The following SFT2D2 variants were observed in gnomAD, a reference collection of about 807,000 sequenced individuals.
SFT2D2 encodes SFT2 domain containing 2.
A neutral mutation model predicts 27.4 loss-of-function variants in SFT2D2; 21 were observed. That is an observed-to-expected ratio of 0.77 (90% CI 0.54 to 1.10). SFT2D2 has a LOEUF of 1.10. Ranked by LOEUF, SFT2D2 falls within the 50% of genes least tolerant of loss-of-function variation. The pLI, the probability that SFT2D2 is intolerant of heterozygous loss-of-function variation, is 0.00. For missense variants in SFT2D2, 187 were observed against 194.2 expected (o/e 0.96, Z 0.22); for synonymous variants, 72 against 71.7 (o/e 1.00, Z -0.02).
intron 1 of SFT2D2, among the ~76,000 whole-genome samples, chr1:168,226,605 T>A (rs1199491872): frequency 1.7e-4 from 26 of 152,152 alleles, no homozygotes; most frequent in Admixed American, 1.7e-3. Context: ...CGCCCCGAGC[T>A]CTGCCTTGGT....
chr1:168,231,482 G>A (rs369732628), intron 1 of SFT2D2, 32 bp from the exon 2 acceptor site: 2 of 1,535,700 alleles, frequency 1.3e-6, no homozygotes, highest in African/African-American at 1.4e-5. Context: ...GTAAATGTGT[G>A]TGTATATGTA....
intron 1 of SFT2D2, among the ~76,000 whole-genome samples, chr1:168,228,537 T>TA (rs1700483315): frequency 6.6e-6 from 1 of 152,238 alleles, no homozygotes; most frequent in South Asian, 2.1e-4. Context: ...AAATACACCT[T>TA]AAGTCTTTAG....
At position 168,250,852 on chromosome 1, in the gene SFT2D2, T is replaced by A. The variant is rs147471218; in HGVS notation, c.*8312T>A. On this transcript the variant is annotated 3_prime_UTR_variant, in exon 8 of 8. Coordinates refer to ENST00000271375, the MANE Select transcript of SFT2D2 (RefSeq NM_199344.3). ...GGGAAGGGCAAAACATGGTCCCCAG[T>A]GTAGCATTTTCACTGGGTTGATTAT... The A allele has an allele frequency of 9.2e-5, 14 of 152,226 alleles. No individual in the cohort carries two copies. The highest frequency in any genetic ancestry group is 9.2e-4 in the Admixed American group (14 of 15,282). 9.4% of individuals were successfully genotyped at this position (152,226 alleles called of 1,614,324 possible).
At position 168,247,745 on chromosome 1, in the gene SFT2D2, G is replaced by A. The variant is rs1244409706; in HGVS notation, c.*5205G>A. The A allele has an allele frequency of 2.6e-5, 4 of 152,156 alleles. No homozygotes were observed. Among genetic ancestry groups the A allele is most frequent in the Admixed American group, 6.6e-5 (1 of 15,266 alleles). 9.4% of individuals were successfully genotyped at this position (152,156 alleles called of 1,614,324 possible). A position where few individuals can be genotyped will look rare whatever the true frequency, so the allele number is the denominator to read the frequency against. On this transcript the variant is annotated 3_prime_UTR_variant, in exon 8 of 8. Transcript: ENST00000271375. ...TCTAGTTCTAGATCCTTGAGGAATC[G>A]CCACACTGTCTTTCACAATGGTTGA...
At chr1:168,232,774 A>G (rs763818980) in intron 3 of SFT2D2, among the ~76,000 whole-genome samples, 30 of 152,228 alleles carry the variant, frequency 2.0e-4, no homozygotes, top group Non-Finnish European at 4.1e-4. Context: ...GGTCCCTGCC[A>G]GGCAGACAGA....
Position 168,236,775 on chromosome 1 carries a change from GTAA to G in SFT2D2, c.413+6_413+8del, listed in dbSNP as rs1270234222. 7.4e-6 allele frequency: 12 copies of G among 1,613,858 alleles called. No homozygotes were observed. The African/African-American group carries it at 1.6e-4, about 22-fold the overall frequency. On this transcript the variant is annotated splice_donor_region_variant and intron_variant, in intron 6 of 7. Transcript: ENST00000271375. ...GCAGTCTTTGGCATTGACGTGGTAA[GTAA>G]CCTTTTAAACAATCCCCTCCCACAT...
chr1:168,227,013 T>G (rs1026335032), intron 1 of SFT2D2, among the ~76,000 whole-genome samples: 6 of 151,750 alleles, frequency 4.0e-5, no homozygotes, highest in Admixed American at 1.3e-4. Flanking sequence ...AGAGACGAGG[T>G]TTCACCATCT....
Position 168,252,972 on chromosome 1 carries a change from A to G in SFT2D2, c.*10432A>G, listed in dbSNP as rs1647980892. 1 of 152,120 alleles carries G rather than the reference A, an allele frequency of 6.6e-6. No individual in the cohort carries two copies. The highest frequency in any genetic ancestry group is 1.5e-5 in the Non-Finnish European group (1 of 68,000). The allele number at this position is 152,120 out of a possible 1,614,324, so 9.4% of individuals were successfully genotyped here. On this transcript the variant is annotated 3_prime_UTR_variant, in exon 8 of 8. Transcript: ENST00000271375. ...TCTCTCCTCCCCCATCACAATTGTT[A>G]GTTTTTTTTGCTTTCTTTCTTCAAT...
At position 168,226,103 on chromosome 1, in the gene SFT2D2, G is replaced by C. The variant is rs1374117307; in HGVS notation, c.24G>C (p.Leu8=). Residue 8 remains leucine (L), a synonymous_variant, in exon 1 of 8, where the codon CTG becomes CTC. Transcript: ENST00000271375. MDKLKKV[L]SGQDTEDRSG... is the part of the protein sequence containing the mutation. ...CAATGGACAAGCTGAAGAAGGTGCTGAGCGGGCAGGACACGGAGGACCGGA... is the reference window on the plus strand; with the variant it reads ...CAATGGACAAGCTGAAGAAGGTGCTCAGCGGGCAGGACACGGAGGACCGGA... 4 of 1,535,230 alleles carry C rather than the reference G, an allele frequency of 2.6e-6. No homozygotes were observed. The African/African-American group carries it at 5.6e-5, about 21-fold the overall frequency.
In SFT2D2 at chr1:168,252,758, CA is replaced by C. The variant is rs1268506488; in HGVS notation, c.*10219del. 6.6e-6 allele frequency: 1 copy of C among 152,200 alleles called. No individual in the cohort carries two copies. Among genetic ancestry groups the C allele is most frequent in the Non-Finnish European group, 1.5e-5 (1 of 68,034 alleles). 9.4% of individuals were successfully genotyped at this position (152,200 alleles called of 1,614,324 possible). On this transcript the variant is annotated 3_prime_UTR_variant, in exon 8 of 8. Coordinates refer to ENST00000271375, the MANE Select transcript of SFT2D2 (RefSeq NM_199344.3). ...GAGCTTTTAAAATACGTTGTTAAAA[CA>C]TGAATCCATTTTTGTAATTGTATAA...
chr1:168,235,204 G>A (rs1319083223), intron 4 of SFT2D2, 22 bp downstream of exon 4: 1 of 1,608,922 alleles, frequency 6.2e-7, no homozygotes, highest in African/African-American at 1.3e-5. Context: ...TTTTTAGCTG[G>A]ACTTCTCAGA....
Position 168,226,019 on chromosome 1 carries a change from C to G in SFT2D2, c.-61C>G. ...GCTGCCTAGCACCCGGAAGAGCCGT[C>G]AACTTAGCGAGCGCAACAGGCTGCC... is the stretch of plus-strand genomic sequence containing the variant. On this transcript the variant is annotated 5_prime_UTR_variant, in exon 1 of 8. Coordinates refer to ENST00000271375, the MANE Select transcript of SFT2D2 (RefSeq NM_199344.3). 1 of 1,436,708 alleles carries G rather than the reference C, an allele frequency of 7.0e-7. No homozygotes were observed. Among genetic ancestry groups the G allele is most frequent in the Admixed American group, 2.5e-5 (1 of 40,258 alleles). The allele number at this position is 1,436,708 out of a possible 1,614,324, so 89.0% of individuals were successfully genotyped here. A position where few individuals can be genotyped will look rare whatever the true frequency, so the allele number is the denominator to read the frequency against.
At position 168,246,591 on chromosome 1, in the gene SFT2D2, C is replaced by T. The variant is rs1299704232; in HGVS notation, c.*4051C>T. ...TCAGAACATGAGAATTCAAATTTTC[C>T]TGTAAATGACGCAATTTATCTACTG... On this transcript the variant is annotated 3_prime_UTR_variant, in exon 8 of 8. Transcript: ENST00000271375. 1.4e-5 allele frequency: 21 copies of T among 1,503,554 alleles called. No individual in the cohort carries two copies. The highest frequency in any genetic ancestry group is 2.4e-5 in the East Asian group (1 of 41,402). The allele number at this position is 1,503,554 out of a possible 1,614,324, so 93.1% of individuals were successfully genotyped here. A position where few individuals can be genotyped will look rare whatever the true frequency, so the allele number is the denominator to read the frequency against.
chr1:168,245,193 T>C lies in SFT2D2; in HGVS notation c.*2653T>C, dbSNP rs796695828. ...AACTGTCTATTCACAGATATTATCA[T>C]CTATGTAGAAAACCAAATCAAATCC... On this transcript the variant is annotated 3_prime_UTR_variant, in exon 8 of 8. Coordinates refer to ENST00000271375, the MANE Select transcript of SFT2D2 (RefSeq NM_199344.3). 2.0e-5 allele frequency: 3 copies of C among 152,288 alleles called. No individual in the cohort carries two copies. The highest frequency in any genetic ancestry group is 7.2e-5 in the African/African-American group (3 of 41,560). 9.4% of individuals were successfully genotyped at this position (152,288 alleles called of 1,614,324 possible). A position where few individuals can be genotyped will look rare whatever the true frequency, so the allele number is the denominator to read the frequency against.
chr1:168,226,841 A>T (rs1272587824), intron 1 of SFT2D2, among the ~76,000 whole-genome samples: 1 of 151,814 alleles, frequency 6.6e-6, no homozygotes, highest in Non-Finnish European at 1.5e-5. Context: ...TTTTTCTGAG[A>T]CAGAGTCTCA....
chr1:168,247,073 C>CT lies in SFT2D2; in HGVS notation c.*4541dup, dbSNP rs1439762150. On this transcript the variant is annotated 3_prime_UTR_variant, in exon 8 of 8. Transcript: ENST00000271375. ...AAGTTTTTGATATTCTGTGATATTT[C>CT]TTTTTTTTCAGATAGTCTCTTTTGT... The CT allele has an allele frequency of 2.8e-5, 11 of 397,556 alleles. No homozygotes were observed. Among genetic ancestry groups the CT allele is most frequent in the South Asian group, 6.1e-5 (3 of 49,072 alleles). The allele number at this position is 397,556 out of a possible 1,614,324, so 24.6% of individuals were successfully genotyped here.
In SFT2D2 at chr1:168,249,323, C is replaced by T. The variant is rs936381969; in HGVS notation, c.*6783C>T. 3.3e-5 allele frequency: 5 copies of T among 152,272 alleles called. No homozygotes were observed. Among genetic ancestry groups the T allele is most frequent in the Non-Finnish European group, 5.9e-5 (4 of 68,094 alleles). The allele number at this position is 152,272 out of a possible 1,614,324, so 9.4% of individuals were successfully genotyped here. A position where few individuals can be genotyped will look rare whatever the true frequency, so the allele number is the denominator to read the frequency against. ...TGATCTCAGCTCACTGCAACCTCTG[C>T]CTTCTGGGTTCAAGTGATTCTTGTG... is the stretch of plus-strand genomic sequence containing the variant. On this transcript the variant is annotated 3_prime_UTR_variant, in exon 8 of 8. Coordinates refer to ENST00000271375, the MANE Select transcript of SFT2D2 (RefSeq NM_199344.3).
intron 6 of SFT2D2, among the ~76,000 whole-genome samples, chr1:168,237,374 A>G (rs993107545): frequency 6.6e-6 from 1 of 152,200 alleles, no homozygotes; most frequent in Non-Finnish European, 1.5e-5. Context: ...AGAGCCAAGT[A>G]TAGTAAAAGG....
At chr1:168,241,364 T>C (rs1296751634) in intron 7 of SFT2D2, among the ~76,000 whole-genome samples, 1 of 151,868 alleles carries the variant, frequency 6.6e-6, no homozygotes, top group Non-Finnish European at 1.5e-5. Context: ...GCTCATTTTT[T>C]GTATTTTTAG....
Sources: gnomAD v4.1 joint callset for allele counts (sites outside exome capture counted in the v4.1 genomes callset) on GRCh38, gnomAD v4.1.1 for gene constraint, MANE v1.5 for transcripts, NCBI Gene and HGNC (gene_info 2026-07-23, HGNC 2026-07-21) for gene names.